BABAM2: variants seen among roughly 807,000 people sequenced by gnomAD.
The protein encoded by BABAM2 is BRISC and BRCA1-A complex member 2.
BABAM2 carries 31 observed loss-of-function variants against 54.7 expected under a neutral mutation model. The observed-to-expected ratio is 0.57, with a 90% confidence interval of 0.43 to 0.77. The LOEUF (loss-of-function observed/expected upper bound fraction) is 0.77, where lower values mean the gene tolerates loss of function less well. BABAM2 is among the 30% of genes least tolerant of loss of function. The pLI, the probability that BABAM2 is intolerant of heterozygous loss-of-function variation, is 0.00. For synonymous variants in BABAM2, 167 were observed against 162.9 expected, an observed-to-expected ratio of 1.03 and a Z score of -0.19; for missense variants, 364 against 455.8, an observed-to-expected ratio of 0.80 and a Z score of 1.83.
intron 3 of BABAM2, among the ~76,000 whole-genome samples, chr2:27,941,291 G>A (rs569816335): frequency 2.8e-4 from 42 of 152,112 alleles, no homozygotes; most frequent in Non-Finnish European, 5.6e-4. Flanking sequence ...GCAGCCAGGC[G>A]CGGTGGCTCA....
intron 10 of BABAM2, among the ~76,000 whole-genome samples, chr2:28,283,371 G>A (rs1304859996): frequency 6.6e-6 from 1 of 152,178 alleles, no homozygotes; most frequent in Non-Finnish European, 1.5e-5. Flanking sequence ...AGATTTTTAA[G>A]TAAATGTCTC....
chr2:28,226,207 G>T (rs1680869779), intron 7 of BABAM2, among the ~76,000 whole-genome samples: 1 of 152,176 alleles, frequency 6.6e-6, no homozygotes, highest in Non-Finnish European at 1.5e-5. Context: ...CTAAGTAGCT[G>T]CAATACAGGC....
At chr2:28,051,596 G>A (rs1299470304) in intron 6 of BABAM2, among the ~76,000 whole-genome samples, 1 of 151,788 alleles carries the variant, frequency 6.6e-6, no homozygotes, top group African/African-American at 2.4e-5. Flanking sequence ...CAATGGAAGA[G>A]AATTGTCGTA....
chr2:27,998,246 C>G (rs1472970493), intron 4 of BABAM2, among the ~76,000 whole-genome samples: 1 of 152,094 alleles, frequency 6.6e-6, no homozygotes, highest in South Asian at 2.1e-4. Context: ...TCCATCCGCT[C>G]TTTGTCGCCT....
At chr2:27,978,507 G>A (rs1202441102) in intron 3 of BABAM2, among the ~76,000 whole-genome samples, 2 of 152,150 alleles carry the variant, frequency 1.3e-5, no homozygotes, top group South Asian at 2.1e-4. Context: ...TCAAACTGGC[G>A]TTTCCACAAA....
At chr2:28,232,860 A>G (rs1681544737) in intron 7 of BABAM2, among the ~76,000 whole-genome samples, 1 of 152,186 alleles carries the variant, frequency 6.6e-6, no homozygotes, top group South Asian at 2.1e-4. Context: ...TTTGCATGGA[A>G]AAGACTAGTA....
At chr2:28,177,236 A>G (rs948043663) in intron 7 of BABAM2, among the ~76,000 whole-genome samples, 3 of 151,950 alleles carry the variant, frequency 2.0e-5, no homozygotes, top group Non-Finnish European at 1.5e-5. Context: ...ACAGGCCAGG[A>G]GAAAATGGCC....
intron 7 of BABAM2, among the ~76,000 whole-genome samples, chr2:28,167,857 A>C (rs1407522704): frequency 2.6e-5 from 4 of 152,176 alleles, no homozygotes; most frequent in African/African-American, 9.7e-5. Flanking sequence ...CATGATGTTC[A>C]GATGCTAAGT....
At chr2:27,911,744 T>C (rs1666618032) in intron 2 of BABAM2, among the ~76,000 whole-genome samples, 1 of 152,164 alleles carries the variant, frequency 6.6e-6, no homozygotes, top group South Asian at 2.1e-4. Flanking sequence ...TCCATCTCTT[T>C]TCCTAACCAG....
At chr2:28,089,588 T>G (rs1340996570) in intron 6 of BABAM2, among the ~76,000 whole-genome samples, 1 of 152,234 alleles carries the variant, frequency 6.6e-6, no homozygotes, top group Non-Finnish European at 1.5e-5. Context: ...AAAAAATGGA[T>G]ATTTTTATTA....
intron 10 of BABAM2, among the ~76,000 whole-genome samples, chr2:28,291,543 G>A (rs1363401797): frequency 2.7e-5 from 4 of 149,776 alleles, no homozygotes; most frequent in South Asian, 2.1e-4. Flanking sequence ...GCGGTGAGCC[G>A]AGATCACACC....
At chr2:28,263,342 AC>A (rs1684704065) in intron 10 of BABAM2, among the ~76,000 whole-genome samples, 1 of 152,184 alleles carries the variant, frequency 6.6e-6, no homozygotes, top group African/African-American at 2.4e-5. Context: ...TCCCCATTTT[AC>A]AAAAAGCACC....
At chr2:28,057,423 GA>G (rs2148632548) in intron 6 of BABAM2, among the ~76,000 whole-genome samples, 1 of 152,290 alleles carries the variant, frequency 6.6e-6, no homozygotes, top group Non-Finnish European at 1.5e-5. Context: ...TCCAGAAAGG[GA>G]AGTGGGGATT....
intron 3 of BABAM2, among the ~76,000 whole-genome samples, chr2:27,982,913 CTGTT>C (rs1377191893): frequency 6.6e-5 from 10 of 151,390 alleles, no homozygotes; most frequent in South Asian, 2.1e-4. Flanking sequence ...ATCCATTCAT[CTGTT>C]TGTGGACAAT....
At chr2:28,211,181 A>G (rs1370863072) in intron 7 of BABAM2, among the ~76,000 whole-genome samples, 2 of 152,186 alleles carry the variant, frequency 1.3e-5, no homozygotes, top group Non-Finnish European at 2.9e-5. Context: ...GAGAGCTGTC[A>G]GTTAGGTTTT....
chr2:28,259,106 TCAGACTGAG>T (rs1558479635), intron 10 of BABAM2, among the ~76,000 whole-genome samples: 2 of 109,634 alleles, frequency 1.8e-5, no homozygotes, highest in East Asian at 2.2e-4. Flanking sequence ...TTTTTTTTTT[TCAGACTGAG>T]TCTTGCTCTG....
chr2:28,019,066 G>T (rs183596216), intron 4 of BABAM2, among the ~76,000 whole-genome samples: 84 of 151,932 alleles, frequency 5.5e-4, no homozygotes, highest in African/African-American at 1.9e-3. Flanking sequence ...TGTTCTCATT[G>T]TTCAACTCCC....
intron 10 of BABAM2, among the ~76,000 whole-genome samples, chr2:28,270,219 T>G (rs1488135499): frequency 6.6e-6 from 1 of 152,072 alleles, no homozygotes; most frequent in Non-Finnish European, 1.5e-5. Flanking sequence ...ACTCCTAGAC[T>G]CAAGCCATCC....
intron 5 of BABAM2, among the ~76,000 whole-genome samples, chr2:28,039,177 T>G (rs1271293278): frequency 6.6e-6 from 1 of 152,134 alleles, no homozygotes; most frequent in African/African-American, 2.4e-5. Context: ...TAATACATAC[T>G]CGTGAATGGA....
Sources: allele counts gnomAD v4.1 joint callset (sites outside exome capture counted in the v4.1 genomes callset), GRCh38; gene constraint gnomAD v4.1.1; transcripts MANE v1.5; gene names NCBI Gene and HGNC (gene_info 2026-07-23, HGNC 2026-07-21).